The following HS3ST4 variants were observed in gnomAD, a reference collection of about 807,000 sequenced individuals.
The protein encoded by HS3ST4 is heparan sulfate glucosamine 3-O-sulfotransferase 4.
Under a neutral mutation model 29.2 loss-of-function variants are expected in HS3ST4, and 17 were observed. The observed-to-expected ratio is 0.58, with a 90% CI of 0.40 to 0.87. The LOEUF is 0.87. HS3ST4 is among the 40% of genes least tolerant of loss of function. The probability of loss-of-function intolerance (pLI) is 0.00; values close to 1 mark genes in which losing one functional copy is unlikely to be tolerated. For synonymous variants in HS3ST4, 314 were observed against 285.7 expected, an observed-to-expected ratio of 1.10 and a Z score of -1.00; for missense variants, 627 against 634.5, an observed-to-expected ratio of 0.99 and a Z score of 0.13.
At chr16:26,055,038 C>G (rs1322566881) in intron 1 of HS3ST4, among the ~76,000 whole-genome samples, 1 of 151,998 alleles carries the variant, frequency 6.6e-6, no homozygotes, top group East Asian at 1.9e-4. Flanking sequence ...GTTCCTATGA[C>G]ATTAAATTCA....
At chr16:25,705,155 C>T (rs1367032636) in intron 1 of HS3ST4, among the ~76,000 whole-genome samples, 1 of 151,826 alleles carries the variant, frequency 6.6e-6, no homozygotes, top group African/African-American at 2.4e-5. Context: ...ATCAAAATTA[C>T]CTAATTGCCA....
At chr16:25,959,605 G>A (rs1968773472) in intron 1 of HS3ST4, among the ~76,000 whole-genome samples, 1 of 152,154 alleles carries the variant, frequency 6.6e-6, no homozygotes, top group South Asian at 2.1e-4. Flanking sequence ...AATTTTTGTT[G>A]CCATCCTTGA....
chr16:25,710,067 C>T (rs1015927915), intron 1 of HS3ST4, among the ~76,000 whole-genome samples: 55 of 151,968 alleles, frequency 3.6e-4, no homozygotes, highest in Non-Finnish European at 4.0e-4. Context: ...TGATTTTATG[C>T]CATTCTTTTC....
At chr16:26,112,250 A>ATGTGTGTG (rs35207548) in intron 1 of HS3ST4, among the ~76,000 whole-genome samples, 1 of 148,354 alleles carries the variant, frequency 6.7e-6, no homozygotes, top group Admixed American at 6.7e-5. Flanking sequence ...GTGTGTGTGT[A>ATGTGTGTG]TGTGTGTGTG....
intron 1 of HS3ST4, among the ~76,000 whole-genome samples, chr16:25,868,885 A>G (rs1289847797): frequency 6.6e-6 from 1 of 152,130 alleles, no homozygotes; most frequent in Non-Finnish European, 1.5e-5. Context: ...GTTCCCTGGT[A>G]GGATGATGCT....
chr16:26,051,690 C>G (rs540325112), intron 1 of HS3ST4, among the ~76,000 whole-genome samples: 1 of 151,818 alleles, frequency 6.6e-6, no homozygotes, highest in Non-Finnish European at 1.5e-5. Context: ...CTCATCTTCC[C>G]TCCCTCTCTT....
intron 1 of HS3ST4, among the ~76,000 whole-genome samples, chr16:25,930,950 T>G (rs932047970): frequency 1.3e-5 from 2 of 152,198 alleles, no homozygotes; most frequent in African/African-American, 4.8e-5. Context: ...ATTTTTGTGT[T>G]TTTTATAGAG....
Position 25,841,543 on chromosome 16 carries a change from T to C in HS3ST4, c.734+148392T>C, listed in dbSNP as rs751612307. ...CAAAATATCTGCCTACCTTGGCCTC[T>C]GAAAGTGCTGGGATTATAGGTGTAA... On this transcript the variant is annotated intron_variant, in intron 1 of 1. Transcript: ENST00000331351. Among the ~76,000 whole-genome samples, 91 of 152,310 alleles carry C rather than the reference T, an allele frequency of 6.0e-4. 1 individual carries two copies. The highest frequency in any genetic ancestry group is 9.6e-4 in the Non-Finnish European group (65 of 68,028).
At chr16:25,769,847 G>A (rs945728426) in intron 1 of HS3ST4, among the ~76,000 whole-genome samples, 1 of 152,130 alleles carries the variant, frequency 6.6e-6, no homozygotes, top group African/African-American at 2.4e-5. Flanking sequence ...CAAGGTTGTA[G>A]CCAACACAGG....
intron 1 of HS3ST4, among the ~76,000 whole-genome samples, chr16:25,763,468 G>A (rs894333006): frequency 1.3e-5 from 2 of 152,176 alleles, no homozygotes; most frequent in South Asian, 4.1e-4. Context: ...CCACGTCTAG[G>A]CAAACCCTTG....
chr16:26,018,294 C>T (rs1288582253), intron 1 of HS3ST4, among the ~76,000 whole-genome samples: 1 of 152,048 alleles, frequency 6.6e-6, no homozygotes, highest in Non-Finnish European at 1.5e-5. Context: ...GAGTCAGGGA[C>T]CAGGGTTTAT....
chr16:25,756,366 C>A (rs561529780), intron 1 of HS3ST4, among the ~76,000 whole-genome samples: 1 of 151,976 alleles, frequency 6.6e-6, no homozygotes, highest in African/African-American at 2.4e-5. Context: ...GATGATTTTG[C>A]GGTGGGAGGT....
intron 1 of HS3ST4, among the ~76,000 whole-genome samples, chr16:25,849,073 G>A (rs577621847): frequency 4.3e-4 from 65 of 152,088 alleles, no homozygotes; most frequent in Non-Finnish European, 7.6e-4. Flanking sequence ...TTTTGTGGTG[G>A]TGTTACTTAT....
chr16:25,986,825 G>A (rs940052535), intron 1 of HS3ST4, among the ~76,000 whole-genome samples: 7 of 152,222 alleles, frequency 4.6e-5, no homozygotes, highest in African/African-American at 9.6e-5. Context: ...GCCTGTGGCT[G>A]TAGCTTTTCT....
At chr16:25,937,053 A>G (rs1377596442) in intron 1 of HS3ST4, among the ~76,000 whole-genome samples, 1 of 152,212 alleles carries the variant, frequency 6.6e-6, no homozygotes, top group Non-Finnish European at 1.5e-5. Context: ...TGACTGGCTC[A>G]GATAGTCAGG....
chr16:25,774,852 A>G (rs1334077273), intron 1 of HS3ST4, among the ~76,000 whole-genome samples: 1 of 152,088 alleles, frequency 6.6e-6, no homozygotes, highest in Non-Finnish European at 1.5e-5. Flanking sequence ...TCCACAATGC[A>G]CTCTTCACCC....
intron 1 of HS3ST4, among the ~76,000 whole-genome samples, chr16:25,864,953 T>TAG (rs1039832153): frequency 1.4e-5 from 2 of 147,254 alleles, no homozygotes; most frequent in African/African-American, 5.0e-5. Context: ...CACATATATA[T>TAG]ATACATATAT....
At chr16:25,852,688 C>T (rs1967533701) in intron 1 of HS3ST4, among the ~76,000 whole-genome samples, 1 of 151,776 alleles carries the variant, frequency 6.6e-6, no homozygotes. Context: ...TCTCTAGCTT[C>T]CTTTGCAGAA....
chr16:26,135,952 C>T lies in HS3ST4; in HGVS notation c.1075C>T (p.Arg359Ter). ...CCAGATCCTCTTTGTCAGTGGTGAG[C>T]GACTCATTGTGGACCCCGCCGGGGA... Reference protein sequence around the residue: ...LSQILFVSGERLIVDPAGEMA... With the variant: ...LSQILFVSGE Residue 359 changes from arginine to a stop codon, truncating the protein, a stop_gained, in exon 2 of 2, where the codon CGA (arginine) becomes TGA (stop). Coordinates refer to ENST00000331351, the MANE Select transcript of HS3ST4 (RefSeq NM_006040.3). LOFTEE classifies it high-confidence loss of function. 2.5e-6 allele frequency: 4 copies of T among 1,613,976 alleles called. No homozygotes were observed. The highest frequency in any genetic ancestry group is 1.7e-5 in the Admixed American group (1 of 60,022).
Sources: gnomAD v4.1 joint callset for allele counts (sites outside exome capture counted in the v4.1 genomes callset) on GRCh38, gnomAD v4.1.1 for gene constraint, MANE v1.5 for transcripts, NCBI Gene and HGNC (gene_info 2026-07-23, HGNC 2026-07-21) for gene names.